Variants in NARS1 observed in about 807,000 individuals in gnomAD.
The protein encoded by NARS1 is asparagine--tRNA ligase, cytoplasmic.
NARS1 carries 65 observed loss-of-function variants against 79.2 expected under a neutral mutation model. That is an observed-to-expected ratio of 0.82 (90% CI 0.67 to 1.01). The LOEUF (loss-of-function observed/expected upper bound fraction) is 1.01, where lower values mean the gene tolerates loss of function less well. NARS1 is among the 50% of genes least tolerant of loss of function. NARS1 has a pLI of 0.00. For synonymous variants in NARS1, 229 were observed against 238.8 expected (o/e 0.96, Z 0.38); for missense variants, 649 against 673.8 (o/e 0.96, Z 0.41).
At chr18:57,621,616 T>A in intron 1 of NARS1, 92 bp downstream of exon 1, 1 of 861,796 alleles carries the variant, frequency 1.2e-6, no homozygotes, top group South Asian at 1.3e-5. Flanking sequence ...GCGCCCACTC[T>A]GGTAGGCACT....
intron 7 of NARS1, 35 bp downstream of exon 7, chr18:57,609,322 A>G (rs553805681): frequency 1.0e-5 from 15 of 1,503,480 alleles, no homozygotes; most frequent in Non-Finnish European, 1.4e-5. Flanking sequence ...TAAATAAACT[A>G]TTCATTCACC....
chr18:57,613,436 T>C (rs2051621486), intron 5 of NARS1, among the ~76,000 whole-genome samples, 166 bp downstream of exon 5: 1 of 152,014 alleles, frequency 6.6e-6, no homozygotes, highest in Non-Finnish European at 1.5e-5. Context: ...GAGGTTGCAG[T>C]GAGCCGAGAT....
At position 57,606,642 on chromosome 18, in the gene NARS1, CTG is replaced by C; in HGVS notation, c.1109_1110del (p.Ala370GlyfsTer6). The C allele has an allele frequency of 6.2e-7, 1 of 1,614,104 alleles. No homozygotes were observed. On this transcript the variant is annotated frameshift_variant, in exon 10 of 14. Transcript: ENST00000256854. LOFTEE classifies it high-confidence loss of function. ...GGGTTGAGCTCATGCACTATGCTCC[CTG>C]CAGGTGACTTCAATATTCGATCTAC... ...DVVDRILKSP[A>X]GSIVHELNPN... is the part of the protein sequence containing the mutation.
intron 13 of NARS1, 150 bp from the exon 14 acceptor site, chr18:57,601,933 C>T: frequency 1.3e-6 from 1 of 745,418 alleles, no homozygotes; most frequent in East Asian, 2.6e-5. Context: ...TGCCTGTAAT[C>T]CCAGCACTTA....
At position 57,613,711 on chromosome 18, in the gene NARS1, A is replaced by G. The variant is rs763155807; in HGVS notation, c.343-31T>C. The G allele has an allele frequency of 3.2e-6, 5 of 1,569,724 alleles. No homozygotes were observed. The Admixed American group carries it at 5.1e-5, about 16-fold the overall frequency. On this transcript the variant is annotated intron_variant, in intron 4 of 13. Transcript: ENST00000256854. ...AAATTGAAATAAACAACATTTGTTC[A>G]ATAATGTCATTTATACACACCAACT...
intron 6 of NARS1, 117 bp from the exon 7 acceptor site, chr18:57,609,560 AAG>A: frequency 1.4e-6 from 1 of 725,518 alleles, no homozygotes; most frequent in Non-Finnish European, 2.3e-6. Context: ...TAGTAAAATA[AAG>A]AGTGAGATGG....
chr18:57,613,579 G>A (rs2051623425), intron 5 of NARS1, 23 bp downstream of exon 5: 8 of 1,586,952 alleles, frequency 5.0e-6, no homozygotes, highest in South Asian at 2.3e-5. Context: ...ACATTAAAAA[G>A]AAGGAAAAGC....
chr18:57,608,235 G>A (rs1235855296), intron 7 of NARS1, among the ~76,000 whole-genome samples: 1 of 151,920 alleles, frequency 6.6e-6, no homozygotes, highest in East Asian at 2.0e-4. Flanking sequence ...TGGATAACGA[G>A]GTCAGGAAAT....
chr18:57,613,976 T>C (rs1204429948), intron 4 of NARS1, among the ~76,000 whole-genome samples: 1 of 152,346 alleles, frequency 6.6e-6, no homozygotes, highest in African/African-American at 2.4e-5. Context: ...TCCTTTGTCA[T>C]AAGTGGAGCA....
chr18:57,617,276 A>G (rs1489932757), intron 2 of NARS1, among the ~76,000 whole-genome samples: 1 of 152,104 alleles, frequency 6.6e-6, no homozygotes. Context: ...TGCTGCAGAG[A>G]AGGAGGGAAT....
chr18:57,601,804 A>C (rs372746515), intron 13 of NARS1, 21 bp from the exon 14 acceptor site: 1 of 1,610,292 alleles, frequency 6.2e-7, no homozygotes, highest in African/African-American at 1.3e-5. Flanking sequence ...AAAGAAAGAA[A>C]GAAAGAGGAG....
rs758675598 is a variant in NARS1, at chr18:57,620,561, G to A, written c.93+8C>T. 6 of 1,589,988 alleles carry A rather than the reference G, an allele frequency of 3.8e-6. No homozygotes were observed. Among genetic ancestry groups the A allele is most frequent in the Non-Finnish European group, 5.2e-6 (6 of 1,161,928 alleles). On this transcript the variant is annotated splice_region_variant and intron_variant, in intron 2 of 13. Transcript: ENST00000256854. ...CAGTCTCATTTTCCTAATGAGAAGA[G>A]ACTCTACCTTTAGACCTGTTTTAAA...
chr18:57,607,775 G>T (rs745958325), intron 7 of NARS1, 110 bp from the exon 8 acceptor site: 14 of 842,018 alleles, frequency 1.7e-5, no homozygotes, highest in Non-Finnish European at 2.5e-5. Flanking sequence ...AGATTTTTAA[G>T]AACCTCCTAA....
chr18:57,608,142 A>G (rs893966868), intron 7 of NARS1, among the ~76,000 whole-genome samples: 6 of 152,184 alleles, frequency 3.9e-5, no homozygotes, highest in African/African-American at 1.4e-4. Flanking sequence ...CTGGGATTAC[A>G]GGCATGAGCC....
chr18:57,616,053 G>C lies in NARS1; in HGVS notation c.94-78C>G, dbSNP rs1908016421. 1.1e-5 allele frequency: 14 copies of C among 1,295,810 alleles called. No individual in the cohort carries two copies. In the East Asian group the frequency reaches 3.3e-4, roughly 30 times the overall value. 80.3% of individuals were successfully genotyped at this position (1,295,810 alleles called of 1,614,324 possible). On this transcript the variant is annotated intron_variant, in intron 2 of 13. Transcript: ENST00000256854. ...AATCAAAATAACATCTCAAGTATAA[G>C]GCAACTGGAACAATCTAAGCATAAA... is the stretch of plus-strand genomic sequence containing the variant.
intron 2 of NARS1, among the ~76,000 whole-genome samples, chr18:57,617,071 A>AT (rs1327316908): frequency 1.3e-5 from 2 of 151,912 alleles, no homozygotes; most frequent in Admixed American, 1.3e-4. Context: ...GCTGTGTTAT[A>AT]TATCATTTGA....
At chr18:57,602,672 T>A in intron 12 of NARS1, 140 bp downstream of exon 12, 1 of 1,251,046 alleles carries the variant, frequency 8.0e-7, no homozygotes, top group African/African-American at 1.5e-5. Context: ...CAGGGGAGGG[T>A]GAAAAAACCC....
chr18:57,606,889 C>G, intron 9 of NARS1, 138 bp from the exon 10 acceptor site: 1 of 1,058,360 alleles, frequency 9.4e-7, no homozygotes, highest in Non-Finnish European at 1.4e-6. Flanking sequence ...TAGCTGTGGA[C>G]TCCCCTCTTC....
chr18:57,611,673 A>G lies in NARS1; in HGVS notation c.456T>C (p.Gly152=). The G allele has an allele frequency of 6.3e-7, 1 of 1,596,932 alleles. No homozygotes were observed. Among genetic ancestry groups the G allele is most frequent in the East Asian group, 2.3e-5 (1 of 44,220 alleles). The stretch of plus-strand genomic sequence containing the variant: ...CCAAGACACACTGAAGATAACCTGT[A>G]CCATCTCGCAACACCAGAAACATTA... The part of the protein sequence containing the change: ...KNLMFLVLRD[G]TGYLQCVLAD... Residue 152 remains glycine, a synonymous_variant, in exon 6 of 14, where the codon GGT becomes GGC. Coordinates refer to ENST00000256854, the MANE Select transcript of NARS1 (RefSeq NM_004539.4).
Sources: allele counts gnomAD v4.1 joint callset (sites outside exome capture counted in the v4.1 genomes callset), GRCh38; gene constraint gnomAD v4.1.1; transcripts MANE v1.5; gene names NCBI Gene and HGNC (gene_info 2026-07-23, HGNC 2026-07-21).